Variants in WDR59 observed in about 807,000 individuals in gnomAD.
The protein encoded by WDR59 is WD repeat domain 59, also known as GATOR2 complex protein WDR59.
Under a neutral mutation model 131.2 loss-of-function variants are expected in WDR59, and 100 were observed. The observed-to-expected ratio is 0.76, with a 90% CI of 0.65 to 0.90. The LOEUF is 0.90. Among genes scored for constraint, WDR59 ranks in the 40% least tolerant of loss-of-function variants. WDR59 has a pLI of 0.00. For synonymous variants in WDR59, 601 were observed against 466.2 expected (o/e 1.29, Z -3.72); for missense variants, 1,203 against 1,262.2 (o/e 0.95, Z 0.71).
At chr16:74,915,679 C>T in intron 13 of WDR59, 191 bp downstream of exon 13, 1 of 672,852 alleles carries the variant, frequency 1.5e-6, no homozygotes, top group African/African-American at 1.8e-5. Context: ...CCACCTCAGA[C>T]TCCCAAAGTG....
chr16:74,875,255 C>G (rs775583243), intron 25 of WDR59, among the ~76,000 whole-genome samples: 3 of 152,258 alleles, frequency 2.0e-5, no homozygotes, highest in Non-Finnish European at 4.4e-5. Flanking sequence ...CCTGCTCTAT[C>G]TACTCTGCTG....
chr16:74,928,747 G>C (rs570797929), intron 8 of WDR59, among the ~76,000 whole-genome samples: 1 of 151,880 alleles, frequency 6.6e-6, no homozygotes, highest in East Asian at 2.0e-4. Flanking sequence ...ATTGAAAAAA[G>C]AAAATACAAA....
intron 6 of WDR59, among the ~76,000 whole-genome samples, chr16:74,947,876 G>T (rs2032743235): frequency 6.6e-6 from 1 of 152,112 alleles, no homozygotes; most frequent in African/African-American, 2.4e-5. Flanking sequence ...TTCAAGACCA[G>T]CCTGGCCAAT....
At chr16:74,928,702 G>C (rs1394378456) in intron 8 of WDR59, among the ~76,000 whole-genome samples, 1 of 152,042 alleles carries the variant, frequency 6.6e-6, no homozygotes, top group Non-Finnish European at 1.5e-5. Context: ...AGGAGTTCGA[G>C]ACCAGCCTGG....
rs539179981 is a variant in WDR59, at chr16:74,916,250, T to G, written c.976A>C (p.Asn326His). Residue 326 changes from asparagine to histidine, a missense_variant, in exon 12 of 26, where the codon AAT (asparagine) becomes CAT (histidine). By Grantham distance (68) the Asn-to-His change is moderately conservative (BLOSUM62 1). Coordinates refer to ENST00000262144, the MANE Select transcript of WDR59 (RefSeq NM_030581.4). Reference sequence around the variant, plus strand: ...TCATCAACACCATCTAATATGTCATTTGCACAAAGCTGCAACAAAGGGTAG... The same window carrying G: ...TCATCAACACCATCTAATATGTCATGTGCACAAAGCTGCAACAAAGGGTAG... ...VDSQMQRLCA[N>H]DILDGVDEFI... is the part of the protein sequence containing the mutation. The G allele has an allele frequency of 2.5e-6, 4 of 1,613,912 alleles. No individual in the cohort carries two copies. In the African/African-American group the frequency reaches 5.3e-5, roughly 22 times the overall value.
At chr16:74,898,981 T>A (rs1233496457) in intron 18 of WDR59, among the ~76,000 whole-genome samples, 2 of 152,180 alleles carry the variant, frequency 1.3e-5, no homozygotes, top group East Asian at 3.9e-4. Context: ...TTCCCCTGAA[T>A]ATTCTTTATA....
At chr16:74,953,275 C>T (rs534293239) in intron 3 of WDR59, among the ~76,000 whole-genome samples, 1 of 152,008 alleles carries the variant, frequency 6.6e-6, no homozygotes, top group Non-Finnish European at 1.5e-5. Flanking sequence ...AGTTAGAGAC[C>T]AGCCTGGCCA....
Position 74,899,744 on chromosome 16 carries a change from C to T in WDR59, c.1866+4203G>A, listed in dbSNP as rs748873284. The stretch of plus-strand genomic sequence containing the variant: ...TATGGACCAACGCCGCCGGGCAGAG[C>T]GAGGAGACATCTGTGCATGAAAACG... On this transcript the variant is annotated intron_variant, in intron 18 of 25. Transcript: ENST00000262144. 35 of 1,288,786 alleles carry T rather than the reference C, an allele frequency of 2.7e-5. No homozygotes were observed. In the East Asian group the frequency reaches 8.9e-4, roughly 33 times the overall value. The allele number at this position is 1,288,786 out of a possible 1,614,324, so 79.8% of individuals were successfully genotyped here. A position where few individuals can be genotyped will look rare whatever the true frequency, so the allele number is the denominator to read the frequency against.
Position 74,912,311 on chromosome 16 carries a change from G to T in WDR59, c.1276C>A (p.Arg426Ser). 2 of 1,614,120 alleles carry T rather than the reference G, an allele frequency of 1.2e-6. No homozygotes were observed. The highest frequency in any genetic ancestry group is 1.7e-6 in the Non-Finnish European group (2 of 1,180,028). ...CTVSVHCSNH[R>S]VKMLVKFPAQ... Reference sequence around the variant, plus strand: ...GGGAACTTCACCAGCATCTTGACACGATGGTTGCTGCAGTGCACAGACACT... The same window carrying T: ...GGGAACTTCACCAGCATCTTGACACTATGGTTGCTGCAGTGCACAGACACT... The change falls in exon 14 of 26, where the codon CGT becomes AGT. Residue 426 changes from arginine (R) to serine (S), a missense_variant. By Grantham distance (110) the Arg-to-Ser change is moderately radical. Coordinates refer to ENST00000262144, the MANE Select transcript of WDR59 (RefSeq NM_030581.4).
intron 18 of WDR59, among the ~76,000 whole-genome samples, chr16:74,901,438 C>A (rs1567700896): frequency 6.6e-6 from 1 of 152,092 alleles, no homozygotes. Context: ...ACAGAGAAAT[C>A]CAGCCTGGGC....
intron 13 of WDR59, among the ~76,000 whole-genome samples, chr16:74,914,080 C>T (rs1343590120): frequency 1.3e-5 from 2 of 152,110 alleles, no homozygotes; most frequent in Non-Finnish European, 2.9e-5. Context: ...AGCGTGGTGG[C>T]GTGCGCCCAT....
chr16:74,897,800 T>C (rs939654633), intron 18 of WDR59, among the ~76,000 whole-genome samples: 3 of 152,236 alleles, frequency 2.0e-5, no homozygotes, highest in East Asian at 3.8e-4. Flanking sequence ...TGCAAAATAC[T>C]GTCACTGTCG....
chr16:74,966,198 G>A (rs1406304840), intron 1 of WDR59, among the ~76,000 whole-genome samples: 2 of 152,090 alleles, frequency 1.3e-5, no homozygotes, highest in Non-Finnish European at 2.9e-5. Flanking sequence ...TGAAAAGACA[G>A]GCTGGGCGGG....
At chr16:74,880,130 T>C (rs988878892) in intron 25 of WDR59, among the ~76,000 whole-genome samples, 1 of 152,114 alleles carries the variant, frequency 6.6e-6, no homozygotes, top group Non-Finnish European at 1.5e-5. Flanking sequence ...AAATGTCACA[T>C]TTAGATTCAA....
chr16:74,934,149 G>A (rs2031616016), intron 8 of WDR59, among the ~76,000 whole-genome samples: 1 of 152,156 alleles, frequency 6.6e-6, no homozygotes, highest in Non-Finnish European at 1.5e-5. Flanking sequence ...TATGTGGAAA[G>A]CTAGCAAAGA....
At position 74,965,829 on chromosome 16, in the gene WDR59, G is replaced by A; in HGVS notation, c.55-7C>T. 6.2e-7 allele frequency: 1 copy of A among 1,614,106 alleles called. No homozygotes were observed. Among genetic ancestry groups the A allele is most frequent in the Non-Finnish European group, 8.5e-7 (1 of 1,180,000 alleles). On this transcript the variant is annotated splice_region_variant and splice_polypyrimidine_tract_variant and intron_variant, in intron 1 of 25. Coordinates refer to ENST00000262144, the MANE Select transcript of WDR59 (RefSeq NM_030581.4). The stretch of plus-strand genomic sequence containing the variant: ...CCACAGACATCGCAGTTGCCTGAGA[G>A]AGAGAACACAGAGTCAGTGCTGCCA...
chr16:74,893,250 G>T (rs1965128060), intron 19 of WDR59, among the ~76,000 whole-genome samples: 1 of 152,208 alleles, frequency 6.6e-6, no homozygotes, highest in Non-Finnish European at 1.5e-5. Context: ...GACCTCATCA[G>T]GTGAGGCCTT....
intron 7 of WDR59, among the ~76,000 whole-genome samples, chr16:74,940,926 G>C (rs372121924): frequency 6.6e-6 from 1 of 151,864 alleles, no homozygotes; most frequent in Non-Finnish European, 1.5e-5. Context: ...GGATGGTCTC[G>C]ATCTCCTGAC....
chr16:74,886,614 C>T, intron 23 of WDR59: 1 of 501,728 alleles, frequency 2.0e-6, no homozygotes, highest in Admixed American at 3.9e-5. Flanking sequence ...TAAGTACACA[C>T]ACATGATGCT....
Sources: gnomAD v4.1 joint callset for allele counts (sites outside exome capture counted in the v4.1 genomes callset) on GRCh38, gnomAD v4.1.1 for gene constraint, MANE v1.5 for transcripts, NCBI Gene and HGNC (gene_info 2026-07-23, HGNC 2026-07-21) for gene names.